Variants in FRAS1 observed in about 807,000 individuals in gnomAD.
FRAS1 encodes extracellular matrix organizing protein FRAS1.
FRAS1 carries 290 observed loss-of-function variants against 435.2 expected under a neutral mutation model. That is an observed-to-expected ratio of 0.67 (90% CI 0.61 to 0.73). The LOEUF (loss-of-function observed/expected upper bound fraction) is 0.73, where lower values mean the gene tolerates loss of function less well. Among genes scored for constraint, FRAS1 ranks in the 30% least tolerant of loss-of-function variants. The pLI is 0.00. For missense variants in FRAS1, 4,860 were observed against 5,001.5 expected, an observed-to-expected ratio of 0.97 and a Z score of 0.85; for synonymous variants, 1,800 against 1,851.0, an observed-to-expected ratio of 0.97 and a Z score of 0.71.
At chr4:78,118,805 C>T (rs369217322) in intron 2 of FRAS1, among the ~76,000 whole-genome samples, 9 of 152,162 alleles carry the variant, frequency 5.9e-5, no homozygotes, top group Non-Finnish European at 8.8e-5. Context: ...GGCTTGCACT[C>T]GGTGCGCTGC....
Position 78,396,630 on chromosome 4 carries a change from C to G in FRAS1, c.3976-4104C>G, listed in dbSNP as rs1199257930. Among the ~76,000 whole-genome samples the G allele has an allele frequency of 2.6e-5, 4 of 152,292 alleles. No individual in the cohort carries two copies. In the East Asian group the frequency reaches 7.7e-4, roughly 29 times the overall value. On this transcript the variant is annotated intron_variant, in intron 29 of 73. Transcript: ENST00000512123. ...TTTGCCCTTTGCTCTTTCTCTGCTT[C>G]ATTTGGAATTTCCGTAATAGGTTAT...
chr4:78,451,014 C>G (rs935785748), intron 45 of FRAS1, among the ~76,000 whole-genome samples: 3 of 152,092 alleles, frequency 2.0e-5, no homozygotes, highest in Non-Finnish European at 2.9e-5. Context: ...CACACTAACA[C>G]CTAAAATTGA....
chr4:78,519,894 A>T (rs1270703545), intron 67 of FRAS1, among the ~76,000 whole-genome samples: 1 of 152,206 alleles, frequency 6.6e-6, no homozygotes, highest in African/African-American at 2.4e-5. Flanking sequence ...AGAGCACTTG[A>T]AATATTTATG....
chr4:78,115,079 G>A (rs568185318), intron 2 of FRAS1, among the ~76,000 whole-genome samples: 4 of 152,098 alleles, frequency 2.6e-5, no homozygotes, highest in African/African-American at 9.6e-5. Context: ...CTGCACTATT[G>A]AGATAATCAT....
intron 61 of FRAS1, among the ~76,000 whole-genome samples, chr4:78,505,562 T>C (rs1003054017): frequency 2.1e-4 from 32 of 152,212 alleles, no homozygotes; most frequent in African/African-American, 6.3e-4. Context: ...TCTTGTGCCA[T>C]GGTTTTCAGC....
chr4:78,267,168 C>T (rs764698557), intron 8 of FRAS1, 73 bp from the exon 9 acceptor site: 12 of 1,478,492 alleles, frequency 8.1e-6, no homozygotes, highest in Non-Finnish European at 1.1e-5. Flanking sequence ...ATTTTGGGTC[C>T]TCCTGCCTCT....
intron 16 of FRAS1, 135 bp downstream of exon 16, chr4:78,315,869 A>G (rs894347011): frequency 1.5e-4 from 146 of 967,184 alleles, no homozygotes; most frequent in Non-Finnish European, 2.2e-4. Flanking sequence ...AGCTTTTTTC[A>G]TTATGAAGCC....
chr4:78,534,517 A>C lies in FRAS1; in HGVS notation c.10994A>C (p.Glu3665Ala), dbSNP rs1560429873. 1 of 1,613,776 alleles carries C rather than the reference A, an allele frequency of 6.2e-7. No homozygotes were observed. Among genetic ancestry groups the C allele is most frequent in the Admixed American group, 1.7e-5 (1 of 60,016 alleles). ...PVPVVYSLNT[E>A]FQLCNNEKVF... ...CCAGTTGTGTATTCACTTAACACTG[A>C]ATTTCAGCTCTGCAATAATGAGAAG... Residue 3665 changes from glutamate (E) to alanine (A), a missense_variant, in exon 71 of 74, where the codon GAA becomes GCA. Physicochemically the swap from Glu to Ala is moderately radical, Grantham distance 107. Coordinates refer to ENST00000512123, the MANE Select transcript of FRAS1 (RefSeq NM_025074.7).
chr4:78,224,038 A>G (rs1724166326), intron 2 of FRAS1, among the ~76,000 whole-genome samples: 1 of 152,192 alleles, frequency 6.6e-6, no homozygotes, highest in African/African-American at 2.4e-5. Flanking sequence ...GAAACTTAAG[A>G]TCTTAGGAAG....
At chr4:78,518,109 C>T (rs1447258142) in intron 66 of FRAS1, among the ~76,000 whole-genome samples, 1 of 138,140 alleles carries the variant, frequency 7.2e-6, no homozygotes, top group Non-Finnish European at 1.6e-5. Flanking sequence ...AGAGAGAGAC[C>T]CCATCTCTTG....
intron 14 of FRAS1, among the ~76,000 whole-genome samples, chr4:78,301,600 G>GA: frequency 6.6e-6 from 1 of 152,254 alleles, no homozygotes; most frequent in Non-Finnish European, 1.5e-5. Flanking sequence ...TAGAGTCCAG[G>GA]GAATCCCTCC....
chr4:78,323,531 T>G lies in FRAS1; in HGVS notation c.2137+4545T>G, dbSNP rs181704395. Reference sequence around the variant, plus strand: ...AACATCAGAAAACATTTTTTACTTTTTTATCAGTCTTCCTTCACTGATTCC... The same window carrying G: ...AACATCAGAAAACATTTTTTACTTTGTTATCAGTCTTCCTTCACTGATTCC... On this transcript the variant is annotated intron_variant, in intron 18 of 73. Coordinates refer to ENST00000512123, the MANE Select transcript of FRAS1 (RefSeq NM_025074.7). Among the ~76,000 whole-genome samples the G allele has an allele frequency of 1.6e-3, 246 of 152,350 alleles. 2 individuals are homozygous for G. Among genetic ancestry groups the G allele is most frequent in the African/African-American group, 5.7e-3 (236 of 41,578 alleles).
At chr4:78,093,012 G>A (rs1741612084) in intron 2 of FRAS1, among the ~76,000 whole-genome samples, 1 of 152,162 alleles carries the variant, frequency 6.6e-6, no homozygotes, top group Non-Finnish European at 1.5e-5. Flanking sequence ...TTTCCTTTTT[G>A]TGTAGCTGGG....
chr4:78,322,504 C>A (rs960232204), intron 18 of FRAS1, among the ~76,000 whole-genome samples: 1 of 151,078 alleles, frequency 6.6e-6, no homozygotes, highest in African/African-American at 2.5e-5. Context: ...TCCTTCCTTT[C>A]TTTGAGACTA....
chr4:78,344,809 A>G (rs1730543081), intron 20 of FRAS1, among the ~76,000 whole-genome samples: 1 of 152,222 alleles, frequency 6.6e-6, no homozygotes, highest in Non-Finnish European at 1.5e-5. Context: ...AATAAACTTC[A>G]AAGAAAAACG....
intron 35 of FRAS1, among the ~76,000 whole-genome samples, chr4:78,426,270 A>G (rs1012195865): frequency 2.6e-5 from 4 of 152,086 alleles, no homozygotes; most frequent in Non-Finnish European, 4.4e-5. Context: ...CCAAGCCTCA[A>G]CTCTTACCTG....
intron 2 of FRAS1, among the ~76,000 whole-genome samples, chr4:78,105,552 G>A (rs926957249): frequency 1.2e-4 from 19 of 152,178 alleles, no homozygotes; most frequent in Admixed American, 6.5e-4. Flanking sequence ...TATAAAGACC[G>A]ATACGAATTC....
chr4:78,335,472 A>G (rs1259214181), intron 19 of FRAS1, among the ~76,000 whole-genome samples: 1 of 152,208 alleles, frequency 6.6e-6, no homozygotes, highest in Non-Finnish European at 1.5e-5. Context: ...TAACCTAAGA[A>G]GTCTCACTGT....
chr4:78,262,289 C>T (rs1194944079), intron 6 of FRAS1, among the ~76,000 whole-genome samples: 2 of 152,192 alleles, frequency 1.3e-5, no homozygotes, highest in Non-Finnish European at 1.5e-5. Flanking sequence ...ATCACTCCCT[C>T]TTCTTCCCCA....
Sources: allele counts gnomAD v4.1 joint callset (sites outside exome capture counted in the v4.1 genomes callset), GRCh38; gene constraint gnomAD v4.1.1; transcripts MANE v1.5; gene names NCBI Gene and HGNC (gene_info 2026-07-23, HGNC 2026-07-21).